EXOC6B: variants seen among roughly 807,000 people sequenced by gnomAD.
EXOC6B encodes exocyst complex component 6B, also known as SEC15 homolog B.
A neutral mutation model predicts 113.5 loss-of-function variants in EXOC6B; 54 were observed. The observed-to-expected ratio is 0.48, with a 90% CI of 0.38 to 0.60. The LOEUF is 0.60. EXOC6B is among the 20% of genes least tolerant of loss of function. EXOC6B has a pLI of 0.00. For missense variants in EXOC6B, 797 were observed against 977.5 expected (o/e 0.82, Z 2.46); for synonymous variants, 357 against 339.0 (o/e 1.05, Z -0.58).
At chr2:72,424,643 T>C (rs1401225771) in intron 18 of EXOC6B, among the ~76,000 whole-genome samples, 1 of 152,206 alleles carries the variant, frequency 6.6e-6, no homozygotes, top group Non-Finnish European at 1.5e-5. Flanking sequence ...AGATTAAAAC[T>C]GGAAAAACTG....
chr2:72,649,518 T>G (rs76386731), intron 6 of EXOC6B, among the ~76,000 whole-genome samples: 220 of 151,886 alleles, frequency 1.4e-3, no homozygotes, highest in Non-Finnish European at 2.4e-3. Flanking sequence ...TTTTTTAAAA[T>G]CTGTGCAGCA....
At chr2:72,334,699 T>C (rs1158305012) in intron 20 of EXOC6B, among the ~76,000 whole-genome samples, 2 of 151,866 alleles carry the variant, frequency 1.3e-5, no homozygotes, top group African/African-American at 2.4e-5. Context: ...GTCACTTGAG[T>C]CCCTCTACTC....
At chr2:72,483,160 A>AT (rs1187608962) in intron 16 of EXOC6B, among the ~76,000 whole-genome samples, 3 of 152,174 alleles carry the variant, frequency 2.0e-5, no homozygotes, top group Non-Finnish European at 4.4e-5. Flanking sequence ...TGCTTTCATC[A>AT]TTTTCTCCTT....
At chr2:72,617,528 T>C (rs1304618322) in intron 6 of EXOC6B, among the ~76,000 whole-genome samples, 1 of 140,206 alleles carries the variant, frequency 7.1e-6, no homozygotes, top group Non-Finnish European at 1.5e-5. Flanking sequence ...TTTTTTTTTT[T>C]TTTTTTTTTT....
intron 1 of EXOC6B, among the ~76,000 whole-genome samples, chr2:72,823,619 A>G (rs536366482): frequency 2.5e-4 from 38 of 152,112 alleles, no homozygotes; most frequent in African/African-American, 8.4e-4. Flanking sequence ...CCCCATCTCT[A>G]TATGAAATAT....
chr2:72,692,595 C>T (rs1456902356), intron 6 of EXOC6B, among the ~76,000 whole-genome samples: 1 of 152,066 alleles, frequency 6.6e-6, no homozygotes, highest in South Asian at 2.1e-4. Flanking sequence ...TCGTGATCCA[C>T]CCACCTTGGC....
At chr2:72,657,800 CTAT>C (rs1674704984) in intron 6 of EXOC6B, among the ~76,000 whole-genome samples, 1 of 150,882 alleles carries the variant, frequency 6.6e-6, no homozygotes, top group Non-Finnish European at 1.5e-5. Flanking sequence ...TACATATTAG[CTAT>C]TATTATGTCT....
chr2:72,533,815 T>A (rs546299844), intron 8 of EXOC6B, among the ~76,000 whole-genome samples: 1 of 152,332 alleles, frequency 6.6e-6, no homozygotes, highest in Admixed American at 6.5e-5. Context: ...ACCTTCAGAA[T>A]GTATCATTTT....
At chr2:72,710,895 T>C (rs936254287) in intron 6 of EXOC6B, among the ~76,000 whole-genome samples, 1 of 152,198 alleles carries the variant, frequency 6.6e-6, no homozygotes, top group African/African-American at 2.4e-5. Context: ...AATTAGTTCA[T>C]TTCCTTAAAT....
intron 18 of EXOC6B, among the ~76,000 whole-genome samples, chr2:72,408,156 A>G (rs1261079854): frequency 6.6e-6 from 1 of 152,204 alleles, no homozygotes; most frequent in East Asian, 1.9e-4. Flanking sequence ...TCCAACTTAC[A>G]AGGGACGTGA....
intron 6 of EXOC6B, among the ~76,000 whole-genome samples, chr2:72,631,449 T>G (rs867265239): frequency 5.2e-5 from 3 of 58,208 alleles, no homozygotes; most frequent in Non-Finnish European, 1.0e-4. Context: ...TATATATATA[T>G]ATATATATAT....
Position 72,611,189 on chromosome 2 carries a change from G to A in EXOC6B, c.670-35521C>T, listed in dbSNP as rs138778746. ...ACCAGCCTGGCCAAATAGCAAAACC[G>A]CGTCTCTACTAAAAAATACAAAAAA... On this transcript the variant is annotated intron_variant, in intron 6 of 21. Transcript: ENST00000272427. 2.4e-4 allele frequency among the ~76,000 whole-genome samples: 37 copies of A among 151,832 alleles called. 1 individual carries two copies. The South Asian group carries it at 5.6e-3, about 23-fold the overall frequency.
At chr2:72,271,401 GAGAGTC>G (rs1004766413) in intron 20 of EXOC6B, among the ~76,000 whole-genome samples, 2 of 152,106 alleles carry the variant, frequency 1.3e-5, no homozygotes, top group African/African-American at 4.8e-5. Context: ...AGGAGGCCTT[GAGAGTC>G]AAAGTCTGTC....
chr2:72,415,356 C>T (rs985906113), intron 18 of EXOC6B, among the ~76,000 whole-genome samples: 1 of 149,962 alleles, frequency 6.7e-6, no homozygotes, highest in Non-Finnish European at 1.5e-5. Context: ...AAAAAAAATA[C>T]AGTGATTAAA....
chr2:72,774,666 C>G (rs1683595567), intron 1 of EXOC6B, among the ~76,000 whole-genome samples: 2 of 152,166 alleles, frequency 1.3e-5, no homozygotes, highest in Non-Finnish European at 2.9e-5. Context: ...ATGGTTCTTT[C>G]TCCTCCTGAC....
Position 72,718,271 on chromosome 2 carries a change from C to T in EXOC6B, c.501G>A (p.Glu167=). The T allele has an allele frequency of 6.2e-7, 1 of 1,613,704 alleles. No individual in the cohort carries two copies. Among genetic ancestry groups the T allele is most frequent in the Non-Finnish European group, 8.5e-7 (1 of 1,179,740 alleles). ...YPALKTLEHL[E]HTYLPQVSHY... ...GGCTTACTTGAGGCAGGTAGGTATG[C>T]TCTAGATGTTCCAGAGTTTTCAGTG... The change falls in exon 6 of 22, where the codon GAG becomes GAA. Residue 167 remains glutamate, a synonymous_variant. Transcript: ENST00000272427.
chr2:72,817,730 G>A (rs774087670), intron 1 of EXOC6B, among the ~76,000 whole-genome samples: 10 of 152,206 alleles, frequency 6.6e-5, no homozygotes, highest in Non-Finnish European at 1.3e-4. Flanking sequence ...CTTAGGCCAA[G>A]AGCCTTGGAA....
intron 6 of EXOC6B, among the ~76,000 whole-genome samples, chr2:72,659,969 G>A (rs780475290): frequency 6.6e-6 from 1 of 152,068 alleles, no homozygotes; most frequent in Non-Finnish European, 1.5e-5. Context: ...TCCAAAAACA[G>A]CAAAAGGTCT....
chr2:72,668,105 ATGAAACAATG>A (rs776078142), intron 6 of EXOC6B, among the ~76,000 whole-genome samples: 3 of 152,216 alleles, frequency 2.0e-5, no homozygotes, highest in Non-Finnish European at 4.4e-5. Context: ...CAACAAACAT[ATGAAACAATG>A]GTCACCACCA....
Sources: gnomAD v4.1 joint callset for allele counts (sites outside exome capture counted in the v4.1 genomes callset) on GRCh38, gnomAD v4.1.1 for gene constraint, MANE v1.5 for transcripts, NCBI Gene and HGNC (gene_info 2026-07-23, HGNC 2026-07-21) for gene names.